Variants in UNC79 observed in about 807,000 individuals in gnomAD.
UNC79 encodes the protein protein unc-79 homolog.
A neutral mutation model predicts 283.1 loss-of-function variants in UNC79; 37 were observed. That is an observed-to-expected ratio of 0.13 (90% CI 0.10 to 0.17). UNC79 has a LOEUF of 0.17. Ranked by LOEUF, UNC79 falls within the 10% of genes least tolerant of loss-of-function variation. The pLI is 1.00. For synonymous variants in UNC79, 1,107 were observed against 1,200.2 expected (o/e 0.92, Z 1.61); for missense variants, 2,272 against 3,211.1 (o/e 0.71, Z 7.07).
chr14:93,562,707 T>C (rs2062635646), intron 14 of UNC79, among the ~76,000 whole-genome samples: 3 of 152,024 alleles, frequency 2.0e-5, no homozygotes, highest in Admixed American at 2.0e-4. Flanking sequence ...TCTATAGAGG[T>C]GGGAAGGCCA....
intron 14 of UNC79, among the ~76,000 whole-genome samples, chr14:93,558,282 C>T (rs557711620): frequency 1.6e-3 from 251 of 152,326 alleles, no homozygotes; most frequent in African/African-American, 5.8e-3. Flanking sequence ...GCAGGCTGGG[C>T]GCGGTGGCTC....
At chr14:93,343,944 A>G (rs537122599) in intron 1 of UNC79, among the ~76,000 whole-genome samples, 3 of 142,072 alleles carry the variant, frequency 2.1e-5, no homozygotes, top group Admixed American at 1.5e-4. Flanking sequence ...TAACAGTGCT[A>G]GTCTTTTGTG....
At chr14:93,537,885 G>A in intron 11 of UNC79, 104 bp from the exon 12 acceptor site, 1 of 1,100,502 alleles carries the variant, frequency 9.1e-7, no homozygotes, top group Non-Finnish European at 1.3e-6. Flanking sequence ...GCCCTTGAAT[G>A]TGTTGTCACT....
intron 8 of UNC79, among the ~76,000 whole-genome samples, chr14:93,526,817 A>G (rs912750190): frequency 1.3e-5 from 2 of 152,208 alleles, no homozygotes; most frequent in African/African-American, 4.8e-5. Context: ...AGTGTGAAAA[A>G]GTATCTTTAC....
chr14:93,607,299 G>A (rs1006386041), intron 26 of UNC79, among the ~76,000 whole-genome samples: 3 of 152,090 alleles, frequency 2.0e-5, no homozygotes, highest in Non-Finnish European at 4.4e-5. Flanking sequence ...CGCCTGGAAC[G>A]CATAATTAAA....
At chr14:93,600,888 C>T (rs2065450831) in intron 25 of UNC79, 118 bp downstream of exon 25, 3 of 1,039,528 alleles carry the variant, frequency 2.9e-6, no homozygotes, top group South Asian at 1.7e-5. Context: ...TGACCTCATG[C>T]ACTCAATTCA....
chr14:93,684,603 TG>T (rs1473555324), intron 42 of UNC79, among the ~76,000 whole-genome samples: 2 of 152,184 alleles, frequency 1.3e-5, no homozygotes, highest in Non-Finnish European at 2.9e-5. Context: ...AAACATTATA[TG>T]TATGTGTGTA....
At chr14:93,537,065 A>G (rs1376841090) in intron 11 of UNC79, among the ~76,000 whole-genome samples, 1 of 152,128 alleles carries the variant, frequency 6.6e-6, no homozygotes, top group African/African-American at 2.4e-5. Context: ...TCCTCTCACA[A>G]GCTCTGAGTT....
At chr14:93,446,430 C>G (rs1468970424) in intron 1 of UNC79, among the ~76,000 whole-genome samples, 3 of 143,098 alleles carry the variant, frequency 2.1e-5, no homozygotes, top group African/African-American at 7.8e-5. Flanking sequence ...GAGTTTTGCT[C>G]TGTTGCCCAG....
At chr14:93,482,027 T>C (rs977657551) in intron 4 of UNC79, among the ~76,000 whole-genome samples, 3 of 152,234 alleles carry the variant, frequency 2.0e-5, no homozygotes, top group Non-Finnish European at 4.4e-5. Context: ...CATCCCATGT[T>C]TGTTGTGAAG....
intron 32 of UNC79, among the ~76,000 whole-genome samples, chr14:93,639,765 A>G (rs1375011430): frequency 1.3e-5 from 2 of 152,208 alleles, no homozygotes; most frequent in African/African-American, 2.4e-5. Context: ...AAGGCTCAAC[A>G]CTATTTTTTC....
At position 93,582,407 on chromosome 14, in the gene UNC79, G is replaced by A. The variant is rs897209091; in HGVS notation, c.2803+63G>A. 6.3e-6 allele frequency: 10 copies of A among 1,586,416 alleles called. No individual in the cohort carries two copies. The African/African-American group carries it at 1.1e-4, about 17-fold the overall frequency. The stretch of plus-strand genomic sequence containing the variant: ...CACATGGCCTGATGCTCAAATCACC[G>A]GGTTCTTGGTTTAATATCGACTTGG... On this transcript the variant is annotated intron_variant, in intron 20 of 48. Coordinates refer to ENST00000555664, the Ensembl canonical transcript of UNC79.
At chr14:93,660,582 CATTTT>C (rs558994332) in intron 39 of UNC79, among the ~76,000 whole-genome samples, 2 of 61,982 alleles carry the variant, frequency 3.2e-5, no homozygotes, top group East Asian at 5.4e-4. Context: ...TGTGTGTGTT[CATTTT>C]ATTTTATTTT....
intron 1 of UNC79, among the ~76,000 whole-genome samples, chr14:93,365,895 C>T (rs565546649): frequency 8.5e-5 from 13 of 152,144 alleles, no homozygotes; most frequent in East Asian, 3.9e-4. Context: ...TGAAACAATC[C>T]GTCAACTGGA....
At chr14:93,448,476 G>A (rs1414347310) in intron 1 of UNC79, among the ~76,000 whole-genome samples, 1 of 152,002 alleles carries the variant, frequency 6.6e-6, no homozygotes, top group East Asian at 1.9e-4. Context: ...TAAAATCCTT[G>A]TCTGTTAGTT....
intron 14 of UNC79, among the ~76,000 whole-genome samples, chr14:93,570,211 A>G (rs2063135947): frequency 6.6e-6 from 1 of 152,164 alleles, no homozygotes. Context: ...AGCCTAGAAC[A>G]GTTATTTTTT....
intron 14 of UNC79, 139 bp downstream of exon 14, chr14:93,542,835 TAGTA>T (rs2061435586): frequency 3.9e-6 from 3 of 761,590 alleles, no homozygotes; most frequent in Non-Finnish European, 6.4e-6. Context: ...TAAATGAATT[TAGTA>T]ACTGTATCTT....
At chr14:93,701,560 C>T (rs2075532467) in intron 47 of UNC79, among the ~76,000 whole-genome samples, 1 of 152,166 alleles carries the variant, frequency 6.6e-6, no homozygotes, top group Non-Finnish European at 1.5e-5. Flanking sequence ...AAAAGCCCAA[C>T]CAACTTTACT....
rs118082761 is a variant in UNC79 at position 93,411,621 on chromosome 14, G to A, written c.-350-56050G>A. On this transcript the variant is annotated intron_variant, in intron 1 of 49. Transcript: ENST00000256339. Reference sequence around the variant, plus strand: ...AGAGACTCCATTTTTTTGACAGAGAGTAAGGGAAGAAAACAAGAGTCTCAG... The same window carrying A: ...AGAGACTCCATTTTTTTGACAGAGAATAAGGGAAGAAAACAAGAGTCTCAG... Among the ~76,000 whole-genome samples the A allele has an allele frequency of 4.9e-3, 747 of 152,338 alleles. 4 individuals carry two copies. The highest frequency in any genetic ancestry group is 0.034 in the Middle Eastern group (10 of 294).
Sources: gnomAD v4.1 joint callset for allele counts (sites outside exome capture counted in the v4.1 genomes callset) on GRCh38, gnomAD v4.1.1 for gene constraint, MANE v1.5 for transcripts, NCBI Gene and HGNC (gene_info 2026-07-23, HGNC 2026-07-21) for gene names.